WDR64: variants seen among roughly 807,000 people sequenced by gnomAD.
The protein encoded by WDR64 is WD repeat-containing protein 64.
Under a neutral mutation model 139.3 loss-of-function variants are expected in WDR64, and 112 were observed. The observed-to-expected ratio is 0.80, with a 90% CI of 0.69 to 0.94. The LOEUF is 0.94. WDR64 is among the 40% of genes least tolerant of loss of function. WDR64 has a pLI of 0.00. For synonymous variants in WDR64, 444 were observed against 437.7 expected, an observed-to-expected ratio of 1.01 and a Z score of -0.18; for missense variants, 1,206 against 1,293.1, an observed-to-expected ratio of 0.93 and a Z score of 1.03.
chr1:241,792,781 A>G (rs1452355655), intron 25 of WDR64, among the ~76,000 whole-genome samples: 1 of 152,222 alleles, frequency 6.6e-6, no homozygotes, highest in Non-Finnish European at 1.5e-5. Flanking sequence ...CAATCAGAAC[A>G]CTAATCTGCT....
Position 241,801,485 on chromosome 1 carries a change from A to G in WDR64, c.*270A>G, listed in dbSNP as rs1295278653. ...TAAGAAAACAAATGAAATCAACAGCATTAGTAGGTCTAAAATAATATGGTT... is the reference window on the plus strand; with the variant it reads ...TAAGAAAACAAATGAAATCAACAGCGTTAGTAGGTCTAAAATAATATGGTT... On this transcript the variant is annotated 3_prime_UTR_variant, in exon 28 of 28. Coordinates refer to ENST00000437684, the MANE Select transcript of WDR64 (RefSeq NM_001367482.1). The G allele has an allele frequency of 2.1e-6, 1 of 476,868 alleles. No individual in the cohort carries two copies. The highest frequency in any genetic ancestry group is 3.0e-5 in the East Asian group (1 of 33,556). 29.5% of individuals were successfully genotyped at this position (476,868 alleles called of 1,614,324 possible).
At chr1:241,736,991 A>T (rs10802987) in intron 10 of WDR64, among the ~76,000 whole-genome samples, 13,607 of 152,294 alleles carry the variant, frequency 0.089, 802 homozygotes, top group East Asian at 0.15. Context: ...AAGGCAATAA[A>T]ATAAAAAACA....
chr1:241,763,946 T>C (rs962435886), intron 15 of WDR64, among the ~76,000 whole-genome samples: 1 of 152,148 alleles, frequency 6.6e-6, no homozygotes, highest in Non-Finnish European at 1.5e-5. Context: ...TGCTGAATTA[T>C]AGCTAAAGAA....
chr1:241,679,096 T>G (rs1329162978), intron 5 of WDR64, among the ~76,000 whole-genome samples: 1 of 152,026 alleles, frequency 6.6e-6, no homozygotes. Flanking sequence ...ATTACTAAGG[T>G]CTTTGTTTTC....
At chr1:241,692,996 G>A (rs768600385) in intron 8 of WDR64, among the ~76,000 whole-genome samples, 4 of 152,102 alleles carry the variant, frequency 2.6e-5, no homozygotes, top group Admixed American at 6.6e-5. Context: ...TTAGAATTCC[G>A]CTTGACCGTT....
At chr1:241,797,422 C>T (rs1659398453) in intron 27 of WDR64, among the ~76,000 whole-genome samples, 1 of 152,188 alleles carries the variant, frequency 6.6e-6, no homozygotes, top group Admixed American at 6.5e-5. Flanking sequence ...ATAGATCAAA[C>T]ATTTAGGAGG....
chr1:241,729,681 T>C (rs1479001489), intron 10 of WDR64, among the ~76,000 whole-genome samples: 1 of 152,224 alleles, frequency 6.6e-6, no homozygotes. Flanking sequence ...TTGAGTTTTT[T>C]TTCCTTTTGG....
intron 23 of WDR64, among the ~76,000 whole-genome samples, chr1:241,787,350 C>T (rs1214322234): frequency 1.7e-5 from 2 of 116,402 alleles, no homozygotes; most frequent in African/African-American, 3.5e-5. Flanking sequence ...GGCGACAGAG[C>T]GAGACTCCTC....
chr1:241,664,367 C>T (rs1665951715), intron 2 of WDR64, among the ~76,000 whole-genome samples: 1 of 152,070 alleles, frequency 6.6e-6, no homozygotes, highest in Admixed American at 6.6e-5. Context: ...TGTGTCTAAC[C>T]AATGTTTCAC....
intron 3 of WDR64, among the ~76,000 whole-genome samples, chr1:241,674,057 G>A (rs1666357498): frequency 6.6e-6 from 1 of 151,842 alleles, no homozygotes; most frequent in African/African-American, 2.4e-5. Flanking sequence ...GTGTGTGTAG[G>A]GGGTGGGTGG....
intron 14 of WDR64, among the ~76,000 whole-genome samples, chr1:241,756,687 A>G (rs61827079): frequency 0.063 from 9,656 of 152,194 alleles, 331 homozygotes; most frequent in South Asian, 0.13. Flanking sequence ...TACCTAGAGA[A>G]GTGGTTTGGT....
chr1:241,748,870 GCGGA>G (rs1221955491), intron 13 of WDR64, among the ~76,000 whole-genome samples: 1 of 150,764 alleles, frequency 6.6e-6, no homozygotes, highest in Non-Finnish European at 1.5e-5. Flanking sequence ...AACCCAGGAG[GCGGA>G]GCTTGCAGTG....
chr1:241,708,191 G>GA (rs891823152), intron 8 of WDR64, among the ~76,000 whole-genome samples: 1 of 152,166 alleles, frequency 6.6e-6, no homozygotes, highest in African/African-American at 2.4e-5. Context: ...GAAAACTCTA[G>GA]AAGTTTTCTT....
intron 7 of WDR64, 66 bp downstream of exon 7, chr1:241,683,767 G>A: frequency 1.6e-4 from 196 of 1,203,434 alleles, no homozygotes; most frequent in South Asian, 1.1e-3. Context: ...TAAGCTTTAT[G>A]GTACAAAGTG....
intron 3 of WDR64, 34 bp from the exon 4 acceptor site, chr1:241,674,610 C>A: frequency 2.1e-6 from 3 of 1,405,678 alleles, no homozygotes; most frequent in South Asian, 1.3e-5. Context: ...ACCTTTACTG[C>A]TGAAAGTTGA....
At chr1:241,734,807 T>C (rs1204038885) in intron 10 of WDR64, among the ~76,000 whole-genome samples, 1 of 152,200 alleles carries the variant, frequency 6.6e-6, no homozygotes, top group Non-Finnish European at 1.5e-5. Flanking sequence ...AACGATGGAC[T>C]GCATATATGA....
chr1:241,692,615 C>G (rs916771243), intron 8 of WDR64, among the ~76,000 whole-genome samples: 24 of 152,180 alleles, frequency 1.6e-4, no homozygotes, highest in Non-Finnish European at 3.2e-4. Context: ...CTGCAAAAGA[C>G]TCTGCCAAGA....
intron 8 of WDR64, among the ~76,000 whole-genome samples, chr1:241,708,851 T>C (rs888060738): frequency 2.6e-5 from 4 of 152,114 alleles, no homozygotes; most frequent in Non-Finnish European, 4.4e-5. Flanking sequence ...AGGAATTTCT[T>C]TTTTAATATC....
intron 8 of WDR64, among the ~76,000 whole-genome samples, chr1:241,697,574 C>T (rs1426882371): frequency 6.6e-6 from 1 of 152,200 alleles, no homozygotes; most frequent in African/African-American, 2.4e-5. Context: ...GCAGGAGCCA[C>T]CATGCCCAGC....
Sources: allele counts gnomAD v4.1 joint callset (sites outside exome capture counted in the v4.1 genomes callset), GRCh38; gene constraint gnomAD v4.1.1; transcripts MANE v1.5; gene names NCBI Gene and HGNC (gene_info 2026-07-23, HGNC 2026-07-21).